Variants in TTC17 observed in about 807,000 individuals in gnomAD.
The protein encoded by TTC17 is tetratricopeptide repeat protein 17.
A neutral mutation model predicts 143.8 loss-of-function variants in TTC17; 58 were observed. That is an observed-to-expected ratio of 0.40 (90% CI 0.33 to 0.50). The LOEUF (loss-of-function observed/expected upper bound fraction) is 0.50, where lower values mean the gene tolerates loss of function less well. Among genes scored for constraint, TTC17 ranks in the 20% least tolerant of loss-of-function variants. The probability of loss-of-function intolerance (pLI) is 0.49; values close to 1 mark genes in which losing one functional copy is unlikely to be tolerated. For synonymous variants in TTC17, 501 were observed against 497.8 expected, an observed-to-expected ratio of 1.01 and a Z score of -0.09; for missense variants, 1,273 against 1,392.5, an observed-to-expected ratio of 0.91 and a Z score of 1.37.
intron 1 of TTC17, among the ~76,000 whole-genome samples, chr11:43,375,842 A>T (rs553512515): frequency 6.6e-5 from 10 of 152,308 alleles, no homozygotes; most frequent in African/African-American, 2.2e-4. Flanking sequence ...GTTCACCCTT[A>T]ATCTGATTTG....
chr11:43,391,408 A>G, intron 3 of TTC17, 57 bp from the exon 4 acceptor site: 1 of 1,161,744 alleles, frequency 8.6e-7, no homozygotes, highest in Non-Finnish European at 1.3e-6. Flanking sequence ...CTAAATAAAT[A>G]AATAAAATAT....
At chr11:43,447,146 C>A (rs1297341009) in intron 18 of TTC17, among the ~76,000 whole-genome samples, 2 of 152,012 alleles carry the variant, frequency 1.3e-5, no homozygotes, top group South Asian at 4.1e-4. Context: ...TATCATGCCA[C>A]GGCACTCTAG....
chr11:43,429,791 G>C (rs886286858), intron 16 of TTC17, among the ~76,000 whole-genome samples: 2 of 152,300 alleles, frequency 1.3e-5, no homozygotes, highest in East Asian at 3.9e-4. Flanking sequence ...TCTGTTAAAA[G>C]GATGATGATG....
chr11:43,417,058 TTA>T (rs1270037297), intron 16 of TTC17, among the ~76,000 whole-genome samples: 1 of 152,196 alleles, frequency 6.6e-6, no homozygotes, highest in East Asian at 1.9e-4. Context: ...TAAAAATTCA[TTA>T]GTAGTAGTGA....
rs1418296221 is a variant in TTC17, at chr11:43,443,450, G to A, written c.2377G>A (p.Gly793Ser). 1.9e-6 allele frequency: 3 copies of A among 1,614,012 alleles called. No homozygotes were observed. Among genetic ancestry groups the A allele is most frequent in the Non-Finnish European group, 2.5e-6 (3 of 1,180,018 alleles). The change falls in exon 17 of 24, where the codon GGT becomes AGT. Residue 793 changes from glycine to serine, a missense_variant. Gly to Ser is a moderately conservative substitution (Grantham distance 56, BLOSUM62 0). Around this residue, in one of 3 missense-constraint regions of TTC17, gnomAD observed 878 missense variants for 899.8 expected, o/e 0.98. Transcript: ENST00000039989. ...GGCATGGCCTTTGGAAGGCTTTGGGGGTGCACTAGAGATGAAAGGGCGGCG... is the reference window on the plus strand; with the variant it reads ...GGCATGGCCTTTGGAAGGCTTTGGGAGTGCACTAGAGATGAAAGGGCGGCG... ...QQAWPLEGFG[G>S]ALEMKGRRLD...
intron 21 of TTC17, among the ~76,000 whole-genome samples, chr11:43,485,883 GTTT>G (rs751026290): frequency 9.8e-5 from 11 of 112,604 alleles, no homozygotes; most frequent in Non-Finnish European, 1.4e-4. Flanking sequence ...TTGGTTTTTT[GTTT>G]TTTTTTTTTT....
chr11:43,430,464 A>G (rs564441949), intron 16 of TTC17, among the ~76,000 whole-genome samples: 2 of 152,180 alleles, frequency 1.3e-5, no homozygotes, highest in African/African-American at 2.4e-5. Context: ...GAGTTGTTGA[A>G]CAGCAAAGAA....
rs1679203663 is a variant in TTC17 at position 43,379,244 on chromosome 11, A to G, written c.171A>G (p.Pro57=). The G allele has an allele frequency of 6.2e-7, 1 of 1,612,368 alleles. No homozygotes were observed. Among genetic ancestry groups the G allele is most frequent in the Non-Finnish European group, 8.5e-7 (1 of 1,179,552 alleles). The change falls in exon 2 of 24, where the codon CCA becomes CCG. Residue 57 remains proline (P), a synonymous_variant. Coordinates refer to ENST00000039989, the MANE Select transcript of TTC17 (RefSeq NM_018259.6). The part of the protein sequence containing the change: ...DGKIQQQVDS[P]MNLKHPHDLV... ...TTGCTTGCTTGCAGGTGGATTCACC[A>G]ATGAACTTGAAGCATCCTCATGACC... is the stretch of plus-strand genomic sequence containing the variant.
intron 1 of TTC17, among the ~76,000 whole-genome samples, chr11:43,362,002 T>A (rs1021327573): frequency 6.8e-6 from 1 of 146,400 alleles, no homozygotes; most frequent in Admixed American, 6.8e-5. Context: ...TTTTTTGAGA[T>A]GGAGTTTTGC....
Position 43,448,110 on chromosome 11 carries a change from C to CA in TTC17, c.2780dup (p.Asn927LysfsTer3), listed in dbSNP as rs1204175966. On this transcript the variant is annotated frameshift_variant, in exon 19 of 24. Coordinates refer to ENST00000039989, the MANE Select transcript of TTC17 (RefSeq NM_018259.6). LOFTEE classifies it high-confidence loss of function. The stretch of plus-strand genomic sequence containing the variant: ...GTGAGTACCTGGCTTGCAGTTTCTT[C>CA]AAAAAACATTGAGTAAGTATGTTAA... The CA allele has an allele frequency of 1.2e-6, 2 of 1,613,742 alleles. No homozygotes were observed. The highest frequency in any genetic ancestry group is 1.7e-6 in the Non-Finnish European group (2 of 1,179,868).
intron 1 of TTC17, among the ~76,000 whole-genome samples, chr11:43,362,334 G>T (rs948903072): frequency 3.3e-5 from 5 of 152,116 alleles, no homozygotes; most frequent in African/African-American, 1.2e-4. Flanking sequence ...AACTTTTTAA[G>T]TACATCAAGG....
At chr11:43,443,703 C>T (rs1947475469) in intron 17 of TTC17, 119 bp downstream of exon 17, 8 of 1,272,684 alleles carry the variant, frequency 6.3e-6, no homozygotes, top group Non-Finnish European at 8.6e-6. Context: ...CACTCCAGGA[C>T]AGCCTTCACA....
At chr11:43,420,913 G>T (rs188705394) in intron 16 of TTC17, among the ~76,000 whole-genome samples, 1 of 152,234 alleles carries the variant, frequency 6.6e-6, no homozygotes, top group East Asian at 1.9e-4. Context: ...TTTGATAGAG[G>T]ATATAATCTT....
chr11:43,417,262 A>G (rs1946799250), intron 16 of TTC17, among the ~76,000 whole-genome samples: 1 of 152,142 alleles, frequency 6.6e-6, no homozygotes, highest in African/African-American at 2.4e-5. Flanking sequence ...TATTCCAGTT[A>G]TCTCTGAGCT....
chr11:43,474,186 C>T (rs1948142991), intron 21 of TTC17, among the ~76,000 whole-genome samples: 1 of 152,124 alleles, frequency 6.6e-6, no homozygotes. Flanking sequence ...GAGGCTTCCA[C>T]ACAGTGGAGG....
intron 1 of TTC17, among the ~76,000 whole-genome samples, chr11:43,366,246 CTTA>C (rs930734408): frequency 6.6e-6 from 1 of 152,038 alleles, no homozygotes; most frequent in Non-Finnish European, 1.5e-5. Flanking sequence ...TTCAGGCCAC[CTTA>C]TTATTGCCGC....
chr11:43,409,812 G>A (rs546721919), intron 15 of TTC17, among the ~76,000 whole-genome samples: 2 of 151,484 alleles, frequency 1.3e-5, no homozygotes, highest in South Asian at 2.1e-4. Flanking sequence ...TTATCTTGTG[G>A]TTGTTTTTGT....
intron 1 of TTC17, among the ~76,000 whole-genome samples, chr11:43,368,472 T>A (rs553573839): frequency 6.6e-6 from 1 of 152,332 alleles, no homozygotes; most frequent in Non-Finnish European, 1.5e-5. Context: ...CTCTTTCTCA[T>A]ATCTCAAACC....
At chr11:43,436,170 G>A (rs926079214) in intron 16 of TTC17, 24 of 1,395,868 alleles carry the variant, frequency 1.7e-5, no homozygotes, top group Admixed American at 2.9e-5. Context: ...TGAGGTAATT[G>A]TCATGAGAAA....
Sources: gnomAD v4.1 joint callset for allele counts (sites outside exome capture counted in the v4.1 genomes callset) on GRCh38, gnomAD v4.1.1 for gene constraint, gnomAD v4.1.1 regional missense constraint, MANE v1.5 for transcripts, NCBI Gene and HGNC (gene_info 2026-07-23, HGNC 2026-07-21) for gene names.